MAGI2: variants seen among roughly 807,000 people sequenced by gnomAD.
MAGI2 encodes the protein membrane associated guanylate kinase, WW and PDZ domain containing 2.
Under a neutral mutation model 133.3 loss-of-function variants are expected in MAGI2, and 35 were observed. That is an observed-to-expected ratio of 0.26 (90% confidence interval 0.20 to 0.35). MAGI2 has a LOEUF of 0.35. Among genes scored for constraint, MAGI2 ranks in the 10% least tolerant of loss-of-function variants. The probability of loss-of-function intolerance (pLI) is 1.00; values close to 1 mark genes in which losing one functional copy is unlikely to be tolerated. For missense variants in MAGI2, 1,636 were observed against 1,863.4 expected (o/e 0.88, Z 2.25); for synonymous variants, 729 against 710.6 (o/e 1.03, Z -0.41).
Position 78,168,100 on chromosome 7 carries a change from A to C in MAGI2, c.2412T>G (p.Ile804Met). The C allele has an allele frequency of 6.2e-7, 1 of 1,613,582 alleles. No individual in the cohort carries two copies. The highest frequency in any genetic ancestry group is 8.5e-7 in the Non-Finnish European group (1 of 1,179,768). Residue 804 changes from isoleucine to methionine, a missense_variant, in exon 15 of 22, where the codon ATT (isoleucine) becomes ATG (methionine). Transcript: ENST00000354212. Reference sequence around the variant, plus strand: ...CTGAGCCCATGGCAATGACAGCTCCAATCAAAATCTAGAGAAGCAGTGAGA... The same window carrying C: ...CTGAGCCCATGGCAATGACAGCTCCCATCAAAATCTAGAGAAGCAGTGAGA... The part of the protein sequence containing the change: ...GGDEPGQPIL[I>M]GAVIAMGSAD...
At chr7:79,420,721 T>C (rs1312658974) in intron 1 of MAGI2, among the ~76,000 whole-genome samples, 1 of 151,932 alleles carries the variant, frequency 6.6e-6, no homozygotes, top group Non-Finnish European at 1.5e-5. Flanking sequence ...CATGGTGAAA[T>C]TCATGGTCCA....
chr7:79,395,308 G>C (rs907026538), intron 1 of MAGI2, among the ~76,000 whole-genome samples: 19 of 152,300 alleles, frequency 1.2e-4, no homozygotes, highest in African/African-American at 4.6e-4. Flanking sequence ...TGTGAGAAAT[G>C]ATATAATCAA....
chr7:78,209,855 T>A, intron 10 of MAGI2, among the ~76,000 whole-genome samples: 1 of 152,208 alleles, frequency 6.6e-6, no homozygotes, highest in East Asian at 1.9e-4. Flanking sequence ...AGAGCATGCG[T>A]CACTCCTCTT....
chr7:78,544,650 A>T (rs1011639857), intron 3 of MAGI2, among the ~76,000 whole-genome samples: 1 of 152,168 alleles, frequency 6.6e-6, no homozygotes, highest in African/African-American at 2.4e-5. Context: ...TTGGAATTGC[A>T]AACTCTGAAG....
intron 3 of MAGI2, chr7:78,618,506 T>C (rs1807351137): frequency 6.6e-6 from 1 of 151,932 alleles, no homozygotes; most frequent in African/African-American, 2.4e-5. Flanking sequence ...GTTAAAGCAG[T>C]AGGGAGAAAT....
At chr7:78,272,879 C>T (rs1449238328) in intron 9 of MAGI2, among the ~76,000 whole-genome samples, 1 of 152,080 alleles carries the variant, frequency 6.6e-6, no homozygotes, top group East Asian at 1.9e-4. Flanking sequence ...ACTGATGGGT[C>T]TTGACTCTTT....
At chr7:79,327,226 C>T (rs980188863) in intron 1 of MAGI2, among the ~76,000 whole-genome samples, 2 of 152,092 alleles carry the variant, frequency 1.3e-5, no homozygotes, top group African/African-American at 4.8e-5. Context: ...GTTTAGACAG[C>T]TCCTGGCCAT....
chr7:78,697,661 ATGTC>A (rs1258888339), intron 2 of MAGI2, among the ~76,000 whole-genome samples: 9 of 152,166 alleles, frequency 5.9e-5, no homozygotes, highest in African/African-American at 1.9e-4. Context: ...CGTAGAGCAA[ATGTC>A]TTTTTTAACC....
intron 2 of MAGI2, among the ~76,000 whole-genome samples, chr7:78,846,646 A>G (rs1049271387): frequency 3.9e-5 from 6 of 152,012 alleles, no homozygotes; most frequent in Admixed American, 1.3e-4. Flanking sequence ...CAGCTTATTT[A>G]TCCTAGCACT....
intron 1 of MAGI2, among the ~76,000 whole-genome samples, chr7:79,445,752 G>A (rs1848806986): frequency 6.6e-6 from 1 of 152,212 alleles, no homozygotes; most frequent in African/African-American, 2.4e-5. Context: ...GTGGAAGTCA[G>A]TGTGGCAATT....
intron 2 of MAGI2, among the ~76,000 whole-genome samples, chr7:78,850,247 C>T (rs182444576): frequency 7.2e-5 from 11 of 152,158 alleles, no homozygotes; most frequent in African/African-American, 2.4e-4. Context: ...CAAGATCTGT[C>T]ATCCAGCAGT....
chr7:78,317,658 T>A (rs1787561200), intron 9 of MAGI2, among the ~76,000 whole-genome samples: 1 of 152,192 alleles, frequency 6.6e-6, no homozygotes, highest in African/African-American at 2.4e-5. Flanking sequence ...GACTGCCTCC[T>A]CAAGTGGGTC....
intron 6 of MAGI2, among the ~76,000 whole-genome samples, chr7:78,382,172 A>G (rs1048026652): frequency 2.3e-5 from 3 of 127,784 alleles, no homozygotes; most frequent in South Asian, 2.8e-4. Flanking sequence ...ATATTGTTAA[A>G]CAAAAACATT....
chr7:78,477,181 T>C (rs1047607062), intron 6 of MAGI2, among the ~76,000 whole-genome samples: 1 of 151,906 alleles, frequency 6.6e-6, no homozygotes, highest in Non-Finnish European at 1.5e-5. Flanking sequence ...TGAGCAAACC[T>C]AACCACCGAG....
At chr7:78,117,019 A>C (rs905577538) in intron 20 of MAGI2, among the ~76,000 whole-genome samples, 1 of 151,570 alleles carries the variant, frequency 6.6e-6, no homozygotes, top group Non-Finnish European at 1.5e-5. Context: ...ATTTAGAAAC[A>C]TAATTAGTGA....
At chr7:78,065,223 A>G (rs1184103269) in intron 21 of MAGI2, among the ~76,000 whole-genome samples, 1 of 152,178 alleles carries the variant, frequency 6.6e-6, no homozygotes, top group Admixed American at 6.5e-5. Flanking sequence ...AGCTGTCTAT[A>G]CTTTGGCTGA....
At chr7:78,333,264 A>G (rs563705926) in intron 9 of MAGI2, among the ~76,000 whole-genome samples, 1 of 152,330 alleles carries the variant, frequency 6.6e-6, no homozygotes, top group East Asian at 1.9e-4. Flanking sequence ...AACATTATCA[A>G]TGCTCTGTAC....
chr7:78,428,483 T>C (rs1239539216), intron 6 of MAGI2, among the ~76,000 whole-genome samples: 5 of 152,194 alleles, frequency 3.3e-5, no homozygotes, highest in African/African-American at 7.2e-5. Context: ...AAAGTGAAGA[T>C]AAAAATATTT....
intron 2 of MAGI2, among the ~76,000 whole-genome samples, chr7:78,839,462 C>A (rs1029303946): frequency 2.0e-5 from 3 of 152,026 alleles, no homozygotes; most frequent in Non-Finnish European, 4.4e-5. Flanking sequence ...ATATTAATCC[C>A]TTTTCACACT....
Sources: allele counts gnomAD v4.1 joint callset (sites outside exome capture counted in the v4.1 genomes callset), GRCh38; gene constraint gnomAD v4.1.1; transcripts MANE v1.5; gene names NCBI Gene and HGNC (gene_info 2026-07-23, HGNC 2026-07-21).